The following NKD2 variants were observed in gnomAD, a reference collection of about 807,000 sequenced individuals.
The protein encoded by NKD2 is NKD inhibitor of Wnt signaling pathway 2, also known as protein naked cuticle homolog 2.
Under a neutral mutation model 34.8 loss-of-function variants are expected in NKD2, and 43 were observed. The observed-to-expected ratio is 1.24, with a 90% CI of 0.97 to 1.60. The LOEUF (loss-of-function observed/expected upper bound fraction) is 1.60, where lower values mean the gene tolerates loss of function less well. Among genes scored for constraint, NKD2 ranks in the 40% most tolerant of loss-of-function variants. The pLI is 0.00. For missense variants in NKD2, 675 were observed against 627.1 expected, an observed-to-expected ratio of 1.08 and a Z score of -0.82; for synonymous variants, 278 against 265.1, an observed-to-expected ratio of 1.05 and a Z score of -0.47.
chr5:1,011,906 C>T (rs1027350352), intron 3 of NKD2, among the ~76,000 whole-genome samples: 4 of 152,214 alleles, frequency 2.6e-5, no homozygotes, highest in South Asian at 4.1e-4. Context: ...GCTTCATCAC[C>T]GAGTGTCCCT....
chr5:1,021,921 G>C (rs1756206184), intron 3 of NKD2, among the ~76,000 whole-genome samples: 1 of 152,124 alleles, frequency 6.6e-6, no homozygotes, highest in East Asian at 1.9e-4. Flanking sequence ...CAGGCCCTCT[G>C]CCTGCTGCTC....
At chr5:1,010,246 C>T (rs573547345) in intron 3 of NKD2, among the ~76,000 whole-genome samples, 2 of 152,344 alleles carry the variant, frequency 1.3e-5, no homozygotes, top group Admixed American at 1.3e-4. Context: ...ATTAGACCTG[C>T]ATGTTTGCTG....
intron 3 of NKD2, among the ~76,000 whole-genome samples, chr5:1,017,857 C>T (rs1756019529): frequency 1.3e-5 from 2 of 150,946 alleles, no homozygotes; most frequent in African/African-American, 4.9e-5. Flanking sequence ...TGGGAGAGGC[C>T]AGGCAGGGGT....
At chr5:1,017,607 CAGA>C (rs927985363) in intron 3 of NKD2, among the ~76,000 whole-genome samples, 2 of 152,210 alleles carry the variant, frequency 1.3e-5, no homozygotes, top group African/African-American at 4.8e-5. Context: ...GAAACAAAAA[CAGA>C]AGGGCTGAGT....
intron 3 of NKD2, among the ~76,000 whole-genome samples, chr5:1,021,391 CCCGT>C (rs1756176479): frequency 8.6e-6 from 1 of 116,256 alleles, no homozygotes; most frequent in Non-Finnish European, 1.8e-5. Flanking sequence ...CACCCACCCA[CCCGT>C]CCCAACCCCT....
chr5:1,021,266 T>C (rs1756162948), intron 3 of NKD2, among the ~76,000 whole-genome samples: 1 of 152,034 alleles, frequency 6.6e-6, no homozygotes, highest in Non-Finnish European at 1.5e-5. Context: ...CGTCTGAATG[T>C]ATCTAGGGCT....
At chr5:1,010,666 G>A (rs1755718271) in intron 3 of NKD2, among the ~76,000 whole-genome samples, 1 of 152,194 alleles carries the variant, frequency 6.6e-6, no homozygotes, top group African/African-American at 2.4e-5. Context: ...CCAGGGTGAG[G>A]TCATCCAGGG....
At chr5:1,031,458 G>A (rs776826494) in intron 3 of NKD2, among the ~76,000 whole-genome samples, 135 of 152,082 alleles carry the variant, frequency 8.9e-4, no homozygotes, top group Middle Eastern at 3.4e-3. Flanking sequence ...CATCCCTCCC[G>A]CCCGCCTGCC....
Position 1,034,863 on chromosome 5 carries a change from G to GC in NKD2, c.537dup (p.Ser180LeufsTer24). 1 of 1,612,608 alleles carries GC rather than the reference G, an allele frequency of 6.2e-7. No individual in the cohort carries two copies. Among genetic ancestry groups the GC allele is most frequent in the Non-Finnish European group, 8.5e-7 (1 of 1,179,858 alleles). On this transcript the variant is annotated frameshift_variant, in exon 7 of 10. Coordinates refer to ENST00000296849, the MANE Select transcript of NKD2 (RefSeq NM_033120.4). LOFTEE classifies it high-confidence loss of function. Reference sequence around the variant, plus strand: ...GTGTGAAGCTAACCGTCAGCCCTGAGCCCTCCAGCAAGAGGAAGGAGGGTC... The same window carrying GC: ...GTGTGAAGCTAACCGTCAGCCCTGAGCCCCTCCAGCAAGAGGAAGGAGGGTC...
chr5:1,037,009 A>G (rs546548318), intron 9 of NKD2: 3 of 332,106 alleles, frequency 9.0e-6, no homozygotes, highest in South Asian at 8.1e-5. Context: ...GGCAGTGTGG[A>G]TGGCGGGCAA....
chr5:1,020,530 G>A (rs891224415), intron 3 of NKD2, among the ~76,000 whole-genome samples: 3 of 152,126 alleles, frequency 2.0e-5, no homozygotes, highest in Non-Finnish European at 4.4e-5. Context: ...GGGCCCAGTG[G>A]CGCTCACAGC....
rs550359060 is a variant in NKD2, at chr5:1,013,861, C to T, written c.141+4301C>T. Among the ~76,000 whole-genome samples the T allele has an allele frequency of 3.9e-5, 6 of 152,306 alleles. No individual in the cohort carries two copies. The South Asian group carries it at 6.2e-4, about 16-fold the overall frequency. On this transcript the variant is annotated intron_variant, in intron 3 of 9. Transcript: ENST00000296849. ...CAGTGCAGATGTGCATTCTCAGTGTCGGCCCCTGTGTCTGTGAAGTGCATC... is the reference window on the plus strand; with the variant it reads ...CAGTGCAGATGTGCATTCTCAGTGTTGGCCCCTGTGTCTGTGAAGTGCATC...
At chr5:1,033,809 C>A (rs149348351) in intron 5 of NKD2, among the ~76,000 whole-genome samples, 1 of 152,210 alleles carries the variant, frequency 6.6e-6, no homozygotes, top group Non-Finnish European at 1.5e-5. Context: ...GCTGACTTGA[C>A]GGACAGCCCG....
At chr5:1,026,560 A>G (rs1489921496) in intron 3 of NKD2, among the ~76,000 whole-genome samples, 1 of 61,462 alleles carries the variant, frequency 1.6e-5, no homozygotes. Context: ...TGCTCTTCCC[A>G]CCCTCTGTGG....
Position 1,029,548 on chromosome 5 carries a change from A to T in NKD2, c.142-2604A>T, listed in dbSNP as rs146050694. Among the ~76,000 whole-genome samples the T allele has an allele frequency of 5.3e-4, 80 of 152,258 alleles. No individual in the cohort carries two copies. The Middle Eastern group carries it at 0.017, about 32-fold the overall frequency. ...TTACACTCCTGTCTGTAACCAGTGA[A>T]ATCCCCCACAAGTGCGCTCAGAATT... On this transcript the variant is annotated intron_variant, in intron 3 of 9. Coordinates refer to ENST00000296849, the MANE Select transcript of NKD2 (RefSeq NM_033120.4).
intron 3 of NKD2, among the ~76,000 whole-genome samples, chr5:1,020,046 G>A (rs1340531056): frequency 6.6e-6 from 1 of 152,178 alleles, no homozygotes; most frequent in Admixed American, 6.5e-5. Flanking sequence ...GAGGGTGGCA[G>A]CTGAATTTGG....
intron 3 of NKD2, among the ~76,000 whole-genome samples, chr5:1,027,006 C>G (rs953760604): frequency 2.0e-5 from 3 of 152,260 alleles, no homozygotes; most frequent in African/African-American, 7.2e-5. Flanking sequence ...AGGATTAGCC[C>G]TGCAGAACAG....
chr5:1,027,512 G>A (rs944121635), intron 3 of NKD2, among the ~76,000 whole-genome samples: 45 of 152,266 alleles, frequency 3.0e-4, no homozygotes, highest in Non-Finnish European at 4.7e-4. Flanking sequence ...CCTCTCCTCT[G>A]CCTCGGCTCC....
intron 3 of NKD2, among the ~76,000 whole-genome samples, chr5:1,028,388 G>C (rs541277404): frequency 1.3e-5 from 2 of 152,330 alleles, no homozygotes; most frequent in South Asian, 4.1e-4. Flanking sequence ...GGAGGCCTCC[G>C]TGGGTTGGGG....
Sources: gnomAD v4.1 joint callset for allele counts (sites outside exome capture counted in the v4.1 genomes callset) on GRCh38, gnomAD v4.1.1 for gene constraint, MANE v1.5 for transcripts, NCBI Gene and HGNC (gene_info 2026-07-23, HGNC 2026-07-21) for gene names.